RABGEF1: variants seen among roughly 807,000 people sequenced by gnomAD.
RABGEF1 encodes the protein RAB guanine nucleotide exchange factor 1, also known as rab5 GDP/GTP exchange factor.
A neutral mutation model predicts 57.3 loss-of-function variants in RABGEF1; 26 were observed. The observed-to-expected ratio is 0.45, with a 90% CI of 0.33 to 0.63. RABGEF1 has a LOEUF of 0.63. RABGEF1 is among the 20% of genes least tolerant of loss of function. The pLI, the probability that RABGEF1 is intolerant of heterozygous loss-of-function variation, is 0.02. For missense variants in RABGEF1, 464 were observed against 607.6 expected (o/e 0.76, Z 2.48); for synonymous variants, 185 against 210.7 (o/e 0.88, Z 1.06).
intron 2 of RABGEF1, among the ~76,000 whole-genome samples, chr7:66,724,935 A>G (rs1292224738): frequency 6.6e-6 from 1 of 152,158 alleles, no homozygotes; most frequent in African/African-American, 2.4e-5. Context: ...TGTTAAGCTC[A>G]TCCCATATGT....
At chr7:66,655,274 A>G in the RABGEF1 span, among the ~76,000 whole-genome samples, 1 of 152,142 alleles carries the variant, frequency 6.6e-6, no homozygotes, top group Non-Finnish European at 1.5e-5. Context: ...AGGAGAGCCG[A>G]GAGATGTCCA....
At chr7:66,678,564 CAAAAAAAAA>C (rs58309880), upstream of RABGEF1, among the ~76,000 whole-genome samples, 1 of 86,196 alleles carries the variant, frequency 1.2e-5, no homozygotes, top group Non-Finnish European at 2.2e-5. Context: ...GAGTCCGTCT[CAAAAAAAAA>C]AAAAAAAAAA....
intron 1 of RABGEF1, among the ~76,000 whole-genome samples, chr7:66,752,293 G>C (rs180703950): frequency 6.6e-6 from 1 of 151,760 alleles, no homozygotes; most frequent in Non-Finnish European, 1.5e-5. Context: ...TCAGGAGTTC[G>C]AGCCCAGCCT....
intron 1 of RABGEF1, among the ~76,000 whole-genome samples, chr7:66,693,750 A>G (rs10240582): frequency 0.1 from 15,957 of 152,134 alleles, 915 homozygotes; most frequent in Non-Finnish European, 0.11. Flanking sequence ...ACCCTCAGGG[A>G]ATCATTCATT....
intron 2 of RABGEF1, among the ~76,000 whole-genome samples, chr7:66,727,405 G>A (rs1186299522): frequency 2.0e-5 from 3 of 152,196 alleles, no homozygotes; most frequent in East Asian, 3.8e-4. Flanking sequence ...CCATGGCATT[G>A]CCTTCCCTTT....
At chr7:66,787,413 G>A (rs1040651193) in intron 4 of RABGEF1, among the ~76,000 whole-genome samples, 15 of 147,550 alleles carry the variant, frequency 1.0e-4, no homozygotes, top group South Asian at 2.1e-4. Flanking sequence ...GCGTGATTTC[G>A]GCTCACCCCA....
intron 1 of RABGEF1, among the ~76,000 whole-genome samples, chr7:66,696,721 G>A (rs1792405176): frequency 6.6e-6 from 1 of 151,636 alleles, no homozygotes; most frequent in African/African-American, 2.4e-5. Flanking sequence ...AAGAAAAATG[G>A]AGCGTGGTCA....
chr7:66,751,039 T>G (rs1801296364), intron 1 of RABGEF1, among the ~76,000 whole-genome samples: 1 of 151,634 alleles, frequency 6.6e-6, no homozygotes, highest in African/African-American at 2.4e-5. Context: ...TTTCTTTTTT[T>G]TTTTTTTGAG....
upstream of RABGEF1, chr7:66,739,976 TTA>T (rs3834334): frequency 0.037 from 5,563 of 152,246 alleles, 156 homozygotes; most frequent in East Asian, 0.085. Flanking sequence ...TGGATGTCGG[TTA>T]TGTTTTTTTT....
At chr7:66,757,930 G>A (rs1211191352) in intron 1 of RABGEF1, among the ~76,000 whole-genome samples, 1 of 151,004 alleles carries the variant, frequency 6.6e-6, no homozygotes, top group Admixed American at 6.6e-5. Context: ...ATTTTTTTTT[G>A]CTTGTCTGTA....
At chr7:66,727,521 C>T (rs1387466205) in intron 2 of RABGEF1, among the ~76,000 whole-genome samples, 1 of 152,264 alleles carries the variant, frequency 6.6e-6, no homozygotes, top group Non-Finnish European at 1.5e-5. Context: ...GATCTTCCTC[C>T]TGCCAAGCCA....
chr7:66,805,391 A>G lies in RABGEF1; in HGVS notation c.1072A>G (p.Asn358Asp). ...MTGEDGYYFT[N>D]LCCAVAFIEK... ...TGGAGAGGATGGCTACTATTTCACC[A>G]ATCTGGTGAGTAAGTGAGTTCTTGG... is the stretch of plus-strand genomic sequence containing the variant. The change falls in exon 8 of 9, where the codon AAT becomes GAT. Residue 358 changes from asparagine (N) to aspartate (D), a missense_variant. Physicochemically the swap from Asn to Asp is conservative, Grantham distance 23 (BLOSUM62 1). Coordinates refer to ENST00000284957, the MANE Select transcript of RABGEF1 (RefSeq NM_014504.3). The G allele has an allele frequency of 6.2e-7, 1 of 1,614,052 alleles. No homozygotes were observed. Among genetic ancestry groups the G allele is most frequent in the Non-Finnish European group, 8.5e-7 (1 of 1,180,012 alleles).
upstream of RABGEF1, among the ~76,000 whole-genome samples, chr7:66,680,708 AGACCAAGGCAGGT>A (rs1365549146): frequency 6.6e-6 from 1 of 152,166 alleles, no homozygotes; most frequent in African/African-American, 2.4e-5. Context: ...GCATTTTGGG[AGACCAAGGCAGGT>A]GGATGATTTG....
rs1789170968 is a variant in RABGEF1, at chr7:66,809,418, A to G, written c.*134A>G. 1 of 981,804 alleles carries G rather than the reference A, an allele frequency of 1.0e-6. No homozygotes were observed. The highest frequency in any genetic ancestry group is 3.3e-5 in the Admixed American group (1 of 30,258). 60.8% of individuals were successfully genotyped at this position (981,804 alleles called of 1,614,324 possible). A position where few individuals can be genotyped will look rare whatever the true frequency, so the allele number is the denominator to read the frequency against. The stretch of plus-strand genomic sequence containing the variant: ...TTTTTTAAAGGTACAGTATATGGGG[A>G]TTGTTTCGTTTTTCCTAGCAGGGGA... On this transcript the variant is annotated 3_prime_UTR_variant, in exon 9 of 9. Coordinates refer to ENST00000284957, the MANE Select transcript of RABGEF1 (RefSeq NM_014504.3).
At position 66,754,538 on chromosome 7, in the gene RABGEF1, G is replaced by A. The variant is rs540734372; in HGVS notation, c.-18+13746G>A. ...GTGGGCAGATCACGTGAGCCCAGGA[G>A]TTGGAGACCAGCCTGGCCAACAGGG... On this transcript the variant is annotated intron_variant, in intron 1 of 8. Coordinates refer to ENST00000284957, the MANE Select transcript of RABGEF1 (RefSeq NM_014504.3). Among the ~76,000 whole-genome samples, 3 of 152,038 alleles carry A rather than the reference G, an allele frequency of 2.0e-5. No homozygotes were observed. The South Asian group carries it at 6.2e-4, about 32-fold the overall frequency.
chr7:66,717,090 T>C (rs906610435), intron 2 of RABGEF1, among the ~76,000 whole-genome samples: 1 of 152,236 alleles, frequency 6.6e-6, no homozygotes, highest in East Asian at 1.9e-4. Context: ...CTCTCTGTTT[T>C]TTATGCCTCA....
chr7:66,762,462 A>C (rs1437966625), intron 1 of RABGEF1, among the ~76,000 whole-genome samples: 5 of 152,062 alleles, frequency 3.3e-5, no homozygotes, highest in Admixed American at 2.6e-4. Context: ...ATGGTGCCAC[A>C]TGCTATAGTC....
the RABGEF1 span, among the ~76,000 whole-genome samples, chr7:66,667,059 T>C: frequency 6.6e-6 from 1 of 152,182 alleles, no homozygotes; most frequent in Non-Finnish European, 1.5e-5. Flanking sequence ...TTTGGGAGCA[T>C]GCAATTGTCT....
At chr7:66,703,261 C>CG (rs1562713881) in intron 1 of RABGEF1, among the ~76,000 whole-genome samples, 2 of 152,280 alleles carry the variant, frequency 1.3e-5, no homozygotes, top group Non-Finnish European at 2.9e-5. Context: ...TATGAGCCAC[C>CG]GTGCCTGGCC....
Sources: gnomAD v4.1 joint callset for allele counts (sites outside exome capture counted in the v4.1 genomes callset) on GRCh38, gnomAD v4.1.1 for gene constraint, MANE v1.5 for transcripts, NCBI Gene and HGNC (gene_info 2026-07-23, HGNC 2026-07-21) for gene names.